Variants in ERBB4 observed in about 807,000 individuals in gnomAD.
ERBB4 encodes the protein erb-b2 receptor tyrosine kinase 4, also known as receptor tyrosine-protein kinase erbB-4.
ERBB4 carries 42 observed loss-of-function variants against 158.0 expected under a neutral mutation model. The observed-to-expected ratio is 0.27, with a 90% CI of 0.21 to 0.34. ERBB4 has a LOEUF of 0.34. Among genes scored for constraint, ERBB4 ranks in the 10% least tolerant of loss-of-function variants. ERBB4 has a pLI of 1.00. For missense variants in ERBB4, 1,333 were observed against 1,624.1 expected (o/e 0.82, Z 3.08); for synonymous variants, 583 against 558.7 (o/e 1.04, Z -0.61).
chr2:211,901,392 G>C (rs2079231667), intron 3 of ERBB4, among the ~76,000 whole-genome samples: 2 of 152,158 alleles, frequency 1.3e-5, no homozygotes, highest in African/African-American at 4.8e-5. Context: ...ACAGGTGCAT[G>C]GTGTTACACT....
intron 1 of ERBB4, among the ~76,000 whole-genome samples, chr2:212,410,496 G>A (rs1227580749): frequency 6.6e-6 from 1 of 151,926 alleles, no homozygotes; most frequent in East Asian, 1.9e-4. Flanking sequence ...GTGTAGTTTG[G>A]AAAATCCTGA....
intron 2 of ERBB4, among the ~76,000 whole-genome samples, chr2:212,008,017 A>G (rs2076296311): frequency 6.6e-6 from 1 of 152,060 alleles, no homozygotes. Flanking sequence ...AGATGCATGA[A>G]TAAGTGGATA....
At chr2:212,480,269 T>C (rs1333576606) in intron 1 of ERBB4, among the ~76,000 whole-genome samples, 1 of 152,156 alleles carries the variant, frequency 6.6e-6, no homozygotes, top group Non-Finnish European at 1.5e-5. Context: ...AATATATGTA[T>C]ACTATCAAGT....
chr2:212,424,089 T>C (rs1462974264), intron 1 of ERBB4, among the ~76,000 whole-genome samples: 1 of 152,180 alleles, frequency 6.6e-6, no homozygotes, highest in African/African-American at 2.4e-5. Context: ...TTAGATGTTG[T>C]TTAGCATTTT....
intron 1 of ERBB4, among the ~76,000 whole-genome samples, chr2:212,368,416 G>A (rs560994156): frequency 2.0e-5 from 3 of 152,164 alleles, no homozygotes; most frequent in Admixed American, 6.6e-5. Flanking sequence ...TGGACTTTGG[G>A]GATTTGAGGG....
chr2:212,109,946 G>A (rs1319675133), intron 2 of ERBB4, among the ~76,000 whole-genome samples: 1 of 151,978 alleles, frequency 6.6e-6, no homozygotes, highest in Non-Finnish European at 1.5e-5. Flanking sequence ...TCTGAAGTGA[G>A]TCACTTCAGA....
intron 1 of ERBB4, among the ~76,000 whole-genome samples, chr2:212,315,620 G>C (rs2087238138): frequency 6.6e-6 from 1 of 151,334 alleles, no homozygotes; most frequent in African/African-American, 2.4e-5. Context: ...AACTTTTCCG[G>C]AGCTATACAA....
chr2:211,451,928 A>T (rs2064255330), intron 20 of ERBB4, among the ~76,000 whole-genome samples: 1 of 152,222 alleles, frequency 6.6e-6, no homozygotes, highest in African/African-American at 2.4e-5. Context: ...ATATCAAGTT[A>T]TCAGGAGTAA....
chr2:212,016,121 C>A (rs1042201720), intron 2 of ERBB4, among the ~76,000 whole-genome samples: 1 of 149,548 alleles, frequency 6.7e-6, no homozygotes, highest in African/African-American at 2.4e-5. Context: ...CAGTTCTTTC[C>A]TTTTGACAAT....
At chr2:212,278,754 A>G (rs1267480925) in intron 1 of ERBB4, among the ~76,000 whole-genome samples, 2 of 151,724 alleles carry the variant, frequency 1.3e-5, no homozygotes, top group Non-Finnish European at 3.0e-5. Context: ...CTTTAAAAAA[A>G]GCTAAAATTA....
chr2:212,314,383 C>T (rs1330415625), intron 1 of ERBB4, among the ~76,000 whole-genome samples: 1 of 149,302 alleles, frequency 6.7e-6, no homozygotes, highest in Non-Finnish European at 1.5e-5. Flanking sequence ...TTAACAGCAT[C>T]CCAAAGTGGA....
chr2:211,432,577 C>T (rs1219978496), intron 20 of ERBB4, among the ~76,000 whole-genome samples: 1 of 146,746 alleles, frequency 6.8e-6, no homozygotes, highest in African/African-American at 2.5e-5. Context: ...CATCTGAGAA[C>T]ATATAGCCCT....
intron 20 of ERBB4, among the ~76,000 whole-genome samples, chr2:211,538,582 T>C (rs1225933278): frequency 6.6e-6 from 1 of 151,890 alleles, no homozygotes; most frequent in Non-Finnish European, 1.5e-5. Flanking sequence ...CATTTCATTA[T>C]ACCTGAATTT....
intron 3 of ERBB4, among the ~76,000 whole-genome samples, chr2:211,909,969 G>A (rs989891470): frequency 3.3e-5 from 5 of 151,652 alleles, no homozygotes; most frequent in Admixed American, 1.3e-4. Flanking sequence ...ACCCAGGCTG[G>A]AGTGCAGTGG....
At chr2:212,049,786 C>T (rs2077351479) in intron 2 of ERBB4, among the ~76,000 whole-genome samples, 1 of 152,148 alleles carries the variant, frequency 6.6e-6, no homozygotes, top group Admixed American at 6.6e-5. Context: ...AGTCTTTACT[C>T]TCAAGTGACT....
At position 212,445,391 on chromosome 2, in the gene ERBB4, G is replaced by A. The variant is rs575938795; in HGVS notation, c.82+93058C>T. The stretch of plus-strand genomic sequence containing the variant: ...TCCTGTTCCTGCGGCATTACATTCT[G>A]CTGGCCTAGAGGTCTTCGATCCAGA... On this transcript the variant is annotated intron_variant, in intron 1 of 27. Coordinates refer to ENST00000342788, the MANE Select transcript of ERBB4 (RefSeq NM_005235.3). 1.4e-3 allele frequency among the ~76,000 whole-genome samples: 215 copies of A among 152,238 alleles called. 2 individuals are homozygous for A. The highest frequency in any genetic ancestry group is 5.0e-3 in the African/African-American group (206 of 41,542).
At chr2:211,957,303 A>G (rs2081061042) in intron 2 of ERBB4, among the ~76,000 whole-genome samples, 1 of 152,128 alleles carries the variant, frequency 6.6e-6, no homozygotes, top group Non-Finnish European at 1.5e-5. Context: ...CACAGACATG[A>G]CAAGAAAAAA....
intron 19 of ERBB4, among the ~76,000 whole-genome samples, chr2:211,581,932 CCCAGGA>C (rs1272154036): frequency 1.3e-5 from 2 of 152,044 alleles, no homozygotes; most frequent in Non-Finnish European, 2.9e-5. Context: ...ATCACTTGAA[CCCAGGA>C]GGCGGAGGTT....
At chr2:212,094,308 G>A (rs1408527568) in intron 2 of ERBB4, among the ~76,000 whole-genome samples, 1 of 149,270 alleles carries the variant, frequency 6.7e-6, no homozygotes, top group African/African-American at 2.4e-5. Flanking sequence ...CATAAACAAG[G>A]AAAAACAAAA....
Sources: allele counts gnomAD v4.1 joint callset (sites outside exome capture counted in the v4.1 genomes callset), GRCh38; gene constraint gnomAD v4.1.1; transcripts MANE v1.5; gene names NCBI Gene and HGNC (gene_info 2026-07-23, HGNC 2026-07-21).